The following ST8SIA1 variants were observed in gnomAD, a reference collection of about 807,000 sequenced individuals.
The protein encoded by ST8SIA1 is ST8 alpha-N-acetyl-neuraminide alpha-2,8-sialyltransferase 1.
A neutral mutation model predicts 35.9 loss-of-function variants in ST8SIA1; 16 were observed. That is an observed-to-expected ratio of 0.45 (90% CI 0.30 to 0.68). The LOEUF is 0.68. Ranked by LOEUF, ST8SIA1 falls within the 30% of genes least tolerant of loss-of-function variation. The pLI is 0.09. For synonymous variants in ST8SIA1, 170 were observed against 169.6 expected (o/e 1.00, Z -0.02); for missense variants, 383 against 453.6 (o/e 0.84, Z 1.41).
intron 4 of ST8SIA1, among the ~76,000 whole-genome samples, chr12:22,234,953 G>A (rs868331485): frequency 1.3e-5 from 2 of 152,134 alleles, no homozygotes; most frequent in African/African-American, 2.4e-5. Flanking sequence ...TATGATATCT[G>A]TCCCACTAAT....
intron 1 of ST8SIA1, among the ~76,000 whole-genome samples, chr12:22,305,725 C>T (rs545515918): frequency 1.3e-5 from 2 of 152,262 alleles, no homozygotes; most frequent in African/African-American, 2.4e-5. Context: ...CAATCTCATA[C>T]TTATCCCTGG....
chr12:22,244,030 CA>C (rs3216629), intron 4 of ST8SIA1, among the ~76,000 whole-genome samples: 46 of 147,674 alleles, frequency 3.1e-4, no homozygotes, highest in African/African-American at 7.5e-4. Flanking sequence ...AATTCTGTCT[CA>C]AAAAAAAAAA....
Position 22,281,429 on chromosome 12 carries a change from A to G in ST8SIA1, c.381+5720T>C, listed in dbSNP as rs570286227. Among the ~76,000 whole-genome samples the G allele has an allele frequency of 3.3e-5, 5 of 152,332 alleles. No homozygotes were observed. The South Asian group carries it at 1.0e-3, about 32-fold the overall frequency. ...AGTACTCTAGTGTTAGCATTAGGCC[A>G]AGAATGGCAGGGCCAATTACCTTAA... On this transcript the variant is annotated intron_variant, in intron 2 of 4. Coordinates refer to ENST00000396037, the MANE Select transcript of ST8SIA1 (RefSeq NM_003034.4).
At chr12:22,259,527 G>A (rs1008341022) in intron 2 of ST8SIA1, among the ~76,000 whole-genome samples, 2 of 151,376 alleles carry the variant, frequency 1.3e-5, no homozygotes, top group African/African-American at 4.9e-5. Flanking sequence ...ATGCAGTGGC[G>A]CGATCTGGGA....
At chr12:22,303,632 T>G (rs565088508) in intron 1 of ST8SIA1, among the ~76,000 whole-genome samples, 1 of 152,348 alleles carries the variant, frequency 6.6e-6, no homozygotes, top group Admixed American at 6.5e-5. Flanking sequence ...CTGTTTGTTT[T>G]GTTTTGCTTA....
chr12:22,217,198 T>C (rs918815494), intron 4 of ST8SIA1, among the ~76,000 whole-genome samples: 7 of 152,344 alleles, frequency 4.6e-5, no homozygotes, highest in African/African-American at 1.7e-4. Flanking sequence ...ACCATAGGTG[T>C]TCATCTCTTA....
At chr12:22,298,311 A>T (rs1054785721) in intron 1 of ST8SIA1, among the ~76,000 whole-genome samples, 2 of 152,216 alleles carry the variant, frequency 1.3e-5, no homozygotes, top group Non-Finnish European at 2.9e-5. Flanking sequence ...ATGCACTGGT[A>T]AAACAACCTG....
intron 4 of ST8SIA1, among the ~76,000 whole-genome samples, chr12:22,210,399 G>A (rs1865163523): frequency 6.6e-6 from 1 of 152,086 alleles, no homozygotes; most frequent in Admixed American, 6.6e-5. Flanking sequence ...TGATTTTTCT[G>A]TTCTCTCACT....
chr12:22,248,879 T>C (rs1865634091), intron 4 of ST8SIA1, 127 bp downstream of exon 4: 1 of 623,792 alleles, frequency 1.6e-6, no homozygotes, highest in African/African-American at 1.9e-5. Context: ...CCCTTCATCC[T>C]TCCTGCCTGT....
chr12:22,260,053 A>G (rs753325563), intron 2 of ST8SIA1, among the ~76,000 whole-genome samples: 12 of 152,188 alleles, frequency 7.9e-5, no homozygotes, highest in Non-Finnish European at 1.6e-4. Context: ...ATTTGAGAAT[A>G]TAATATACTA....
intron 2 of ST8SIA1, among the ~76,000 whole-genome samples, chr12:22,265,363 G>A (rs1408443624): frequency 1.3e-5 from 2 of 152,290 alleles, no homozygotes; most frequent in East Asian, 3.9e-4. Context: ...CGTCATACTT[G>A]CAATCCCCTC....
In ST8SIA1 at chr12:22,284,495, G is replaced by T. The variant is rs147135478; in HGVS notation, c.381+2654C>A. ...AAACATTTTGCTAAGAAATAATAAT[G>T]GATGAGAGCAGAGGGAAAATACCAT... On this transcript the variant is annotated intron_variant, in intron 2 of 4. Coordinates refer to ENST00000396037, the MANE Select transcript of ST8SIA1 (RefSeq NM_003034.4). Among the ~76,000 whole-genome samples the T allele has an allele frequency of 4.0e-3, 603 of 152,244 alleles. 8 individuals carry two copies. Among genetic ancestry groups the T allele is most frequent in the East Asian group, 4.6e-3 (24 of 5,188 alleles).
chr12:22,299,735 AT>A (rs1184581755), intron 1 of ST8SIA1, among the ~76,000 whole-genome samples: 1 of 152,032 alleles, frequency 6.6e-6, no homozygotes, highest in Non-Finnish European at 1.5e-5. Context: ...GGAGATTTTA[AT>A]TTTTTTAACC....
chr12:22,310,816 C>A (rs1296547434), intron 1 of ST8SIA1, among the ~76,000 whole-genome samples: 1 of 151,928 alleles, frequency 6.6e-6, no homozygotes, highest in East Asian at 1.9e-4. Context: ...AACATGGCAA[C>A]CCAAAATGAA....
chr12:22,201,879 C>T lies in ST8SIA1; in HGVS notation c.744G>A (p.Val248=). The T allele has an allele frequency of 6.2e-7, 1 of 1,614,116 alleles. No individual in the cohort carries two copies. Among genetic ancestry groups the T allele is most frequent in the African/African-American group, 1.3e-5 (1 of 75,054 alleles). Residue 248 remains valine (V), a synonymous_variant, in exon 5 of 5, where the codon GTG becomes GTA. Transcript: ENST00000396037. ...GCAGAAAGTTGGGGTTGGCAAACAG[C>T]ACTGTTTGATTGGCACCAACATCTG... The part of the protein sequence containing the change: ...TLSDVGANQT[V]LFANPNFLRS...
intron 2 of ST8SIA1, among the ~76,000 whole-genome samples, chr12:22,261,773 T>C (rs1865794971): frequency 6.6e-6 from 1 of 152,192 alleles, no homozygotes; most frequent in South Asian, 2.1e-4. Flanking sequence ...AGATACCCCT[T>C]ATCCTCATTT....
intron 2 of ST8SIA1, among the ~76,000 whole-genome samples, chr12:22,257,358 C>T (rs1865739325): frequency 1.3e-5 from 2 of 149,082 alleles, no homozygotes. Flanking sequence ...ATTACAGGTA[C>T]ACGTTACCAT....
chr12:22,289,532 A>T (rs1866149549), intron 1 of ST8SIA1, among the ~76,000 whole-genome samples: 2 of 152,214 alleles, frequency 1.3e-5, no homozygotes, highest in Admixed American at 1.3e-4. Context: ...AGGTGCCTTC[A>T]TAGGTATTTT....
In ST8SIA1 at chr12:22,305,893, A is replaced by G. The variant is rs111498454; in HGVS notation, c.237-18600T>C. ...TCTTGAATTATTTAGTAAAATTACC[A>G]TAACTTCTAATCTTGTGGTTTTGGG... is the stretch of plus-strand genomic sequence containing the variant. On this transcript the variant is annotated intron_variant, in intron 1 of 4. Transcript: ENST00000396037. Among the ~76,000 whole-genome samples the G allele has an allele frequency of 7.2e-5, 11 of 152,336 alleles. 1 individual carries two copies. The highest frequency in any genetic ancestry group is 2.6e-4 in the African/African-American group (11 of 41,586).
Sources: gnomAD v4.1 joint callset for allele counts (sites outside exome capture counted in the v4.1 genomes callset) on GRCh38, gnomAD v4.1.1 for gene constraint, MANE v1.5 for transcripts, NCBI Gene and HGNC (gene_info 2026-07-23, HGNC 2026-07-21) for gene names.